PHACTR3: variants seen among roughly 807,000 people sequenced by gnomAD.
The protein encoded by PHACTR3 is phosphatase and actin regulator 3.
Under a neutral mutation model 66.8 loss-of-function variants are expected in PHACTR3, and 16 were observed. The ratio of observed to expected loss-of-function variants is 0.24; its 90% CI spans 0.16 to 0.36. The LOEUF is 0.36. Among genes scored for constraint, PHACTR3 ranks in the 10% least tolerant of loss-of-function variants. The probability of loss-of-function intolerance (pLI) is 1.00; values close to 1 mark genes in which losing one functional copy is unlikely to be tolerated. For synonymous variants in PHACTR3, 323 were observed against 292.1 expected (o/e 1.11, Z -1.08); for missense variants, 647 against 719.9 (o/e 0.90, Z 1.16).
chr20:59,748,437 C>T (rs989662393), intron 3 of PHACTR3, among the ~76,000 whole-genome samples: 1 of 152,198 alleles, frequency 6.6e-6, no homozygotes, highest in Non-Finnish European at 1.5e-5. Flanking sequence ...AGAACAAATC[C>T]TGATCTCTTG....
chr20:59,722,380 T>G (rs927918285), intron 1 of PHACTR3, among the ~76,000 whole-genome samples: 1 of 152,108 alleles, frequency 6.6e-6, no homozygotes, highest in Admixed American at 6.5e-5. Context: ...GAGAAGGTAT[T>G]CCTGGCAGAG....
intron 1 of PHACTR3, among the ~76,000 whole-genome samples, chr20:59,713,077 C>T (rs541843112): frequency 9.2e-5 from 14 of 152,218 alleles, no homozygotes; most frequent in South Asian, 2.1e-4. Flanking sequence ...TCTCACAACA[C>T]GGTCTAGGGT....
At position 59,841,251 on chromosome 20, in the gene PHACTR3, G is replaced by T. The variant is rs560089610; in HGVS notation, c.1447-144G>T. ...TATAATTTCAGCCCTTCACATTAGAGATTGCTTGTATTTGGGTTATATTTT... is the reference window on the plus strand; with the variant it reads ...TATAATTTCAGCCCTTCACATTAGATATTGCTTGTATTTGGGTTATATTTT... On this transcript the variant is annotated intron_variant, in intron 10 of 12. Transcript: ENST00000371015. 121 of 726,958 alleles carry T rather than the reference G, an allele frequency of 1.7e-4. No homozygotes were observed. The Middle Eastern group carries it at 2.4e-3, about 15-fold the overall frequency. The allele number at this position is 726,958 out of a possible 1,614,324, so 45.0% of individuals were successfully genotyped here.
chr20:59,845,333 C>A, intron 12 of PHACTR3, 68 bp downstream of exon 12: 1 of 967,540 alleles, frequency 1.0e-6, no homozygotes. Flanking sequence ...CCCCGTCCCC[C>A]GCCACAAACC....
chr20:59,751,659 T>C (rs2039588949), intron 3 of PHACTR3, among the ~76,000 whole-genome samples: 1 of 152,060 alleles, frequency 6.6e-6, no homozygotes, highest in Non-Finnish European at 1.5e-5. Context: ...CGATGGTCTG[T>C]TTTATGAACC....
chr20:59,687,826 G>A (rs1383274582), intron 1 of PHACTR3, among the ~76,000 whole-genome samples: 2 of 152,022 alleles, frequency 1.3e-5, no homozygotes, highest in African/African-American at 4.8e-5. Context: ...GCTTTGAGTA[G>A]TGCTGTTTCA....
chr20:59,775,831 AG>A (rs1319336981), intron 7 of PHACTR3, among the ~76,000 whole-genome samples: 1 of 152,192 alleles, frequency 6.6e-6, no homozygotes, highest in Non-Finnish European at 1.5e-5. Flanking sequence ...GGGATGGTCA[AG>A]GGCTAGAGCA....
At chr20:59,677,172 T>C (rs963906562) in intron 1 of PHACTR3, among the ~76,000 whole-genome samples, 4 of 152,230 alleles carry the variant, frequency 2.6e-5, no homozygotes, top group South Asian at 4.1e-4. Context: ...TAGATTGTCA[T>C]TGATGTGCGT....
chr20:59,776,767 C>CGTGGTTGAGCCAGCAGT (rs1568810159), intron 7 of PHACTR3, among the ~76,000 whole-genome samples: 2 of 152,222 alleles, frequency 1.3e-5, no homozygotes, highest in African/African-American at 2.4e-5. Context: ...GAGCCAGCAG[C>CGTGGTTGAGCCAGCAGT]GTGGTTGAGA....
intron 2 of PHACTR3, among the ~76,000 whole-genome samples, chr20:59,746,853 G>A (rs994284858): frequency 7.2e-5 from 11 of 152,232 alleles, no homozygotes; most frequent in Non-Finnish European, 1.3e-4. Flanking sequence ...AGACCCAGGT[G>A]AGGAGGCTGC....
intron 1 of PHACTR3, among the ~76,000 whole-genome samples, chr20:59,672,466 G>C (rs1387650300): frequency 6.6e-6 from 1 of 152,190 alleles, no homozygotes; most frequent in Non-Finnish European, 1.5e-5. Context: ...TATTTGGGGA[G>C]GCCCTAGCCA....
intron 1 of PHACTR3, among the ~76,000 whole-genome samples, chr20:59,619,566 G>A (rs1419123827): frequency 1.3e-5 from 2 of 152,224 alleles, no homozygotes; most frequent in South Asian, 2.1e-4. Flanking sequence ...CCGAGCAGAT[G>A]AGAAGGCACC....
At chr20:59,714,422 C>T (rs537229777) in intron 1 of PHACTR3, among the ~76,000 whole-genome samples, 1 of 152,294 alleles carries the variant, frequency 6.6e-6, no homozygotes, top group South Asian at 2.1e-4. Flanking sequence ...CCCATTGATC[C>T]TCCACCATTT....
intron 7 of PHACTR3, among the ~76,000 whole-genome samples, chr20:59,778,435 G>A (rs558182392): frequency 6.6e-6 from 1 of 152,150 alleles, no homozygotes; most frequent in African/African-American, 2.4e-5. Context: ...GACTCTTGCT[G>A]TCCCTGGAGG....
intron 6 of PHACTR3, among the ~76,000 whole-genome samples, chr20:59,773,949 A>G (rs764589509): frequency 3.6e-4 from 55 of 152,250 alleles, no homozygotes; most frequent in Non-Finnish European, 6.2e-4. Flanking sequence ...TATTAGACAA[A>G]CAAAATGTCC....
intron 8 of PHACTR3, among the ~76,000 whole-genome samples, chr20:59,822,073 A>ATCCCACCCCTTCCCCAG (rs2042057248): frequency 2.4e-4 from 3 of 12,590 alleles, no homozygotes; most frequent in African/African-American, 2.0e-3. Flanking sequence ...CCGCCCCGCA[A>ATCCCACCCCTTCCCCAG]CGATCCCACC....
intron 9 of PHACTR3, among the ~76,000 whole-genome samples, chr20:59,838,083 G>T (rs567675458): frequency 6.6e-6 from 1 of 152,106 alleles, no homozygotes; most frequent in African/African-American, 2.4e-5. Context: ...TTTCCTCTGC[G>T]GTGGCCATGG....
chr20:59,729,221 G>A (rs2038677913), intron 1 of PHACTR3, among the ~76,000 whole-genome samples: 1 of 152,160 alleles, frequency 6.6e-6, no homozygotes, highest in South Asian at 2.1e-4. Flanking sequence ...TGGGAGCGAT[G>A]AGGGAGACCT....
intron 4 of PHACTR3, among the ~76,000 whole-genome samples, chr20:59,763,018 G>T (rs1425481371): frequency 6.6e-6 from 1 of 152,120 alleles, no homozygotes; most frequent in Non-Finnish European, 1.5e-5. Context: ...ATATGGTTTC[G>T]CTGTGTCCCC....
Sources: gnomAD v4.1 joint callset for allele counts (sites outside exome capture counted in the v4.1 genomes callset) on GRCh38, gnomAD v4.1.1 for gene constraint, MANE v1.5 for transcripts, NCBI Gene and HGNC (gene_info 2026-07-23, HGNC 2026-07-21) for gene names.